Variants in ATCAY observed in about 807,000 individuals in gnomAD.
ATCAY encodes the protein ATCAY kinesin light chain interacting caytaxin.
Under a neutral mutation model 47.7 loss-of-function variants are expected in ATCAY, and 22 were observed. The observed-to-expected ratio is 0.46, with a 90% CI of 0.33 to 0.66. ATCAY has a LOEUF of 0.66. ATCAY is among the 30% of genes least tolerant of loss of function. The pLI is 0.02. For synonymous variants in ATCAY, 216 were observed against 207.6 expected, an observed-to-expected ratio of 1.04 and a Z score of -0.35; for missense variants, 452 against 515.0, an observed-to-expected ratio of 0.88 and a Z score of 1.18.
intron 10 of ATCAY, among the ~76,000 whole-genome samples, chr19:3,918,538 G>A (rs1482253822): frequency 6.9e-6 from 1 of 145,844 alleles, no homozygotes; most frequent in African/African-American, 2.5e-5. Flanking sequence ...CTGGGCAACA[G>A]AGCAAGATCC....
chr19:3,885,518 C>T (rs1303473670), intron 1 of ATCAY, among the ~76,000 whole-genome samples: 1 of 150,678 alleles, frequency 6.6e-6, no homozygotes, highest in Non-Finnish European at 1.5e-5. Context: ...GGCACCATTG[C>T]ACTACAGCCT....
chr19:3,924,490 G>A (rs2039049734), intron 12 of ATCAY, 93 bp from the exon 13 acceptor site: 4 of 1,483,876 alleles, frequency 2.7e-6, no homozygotes, highest in Non-Finnish European at 3.8e-6. Context: ...CACGCTGGGT[G>A]GGATCATTGT....
intron 2 of ATCAY, 111 bp from the exon 3 acceptor site, chr19:3,902,376 C>T: frequency 1.0e-6 from 1 of 981,424 alleles, no homozygotes; most frequent in South Asian, 1.4e-5. Flanking sequence ...ATGTGTTTTG[C>T]TTTTGTTCTT....
Position 3,914,861 on chromosome 19 carries a change from AC to A in ATCAY, c.965+1008del, listed in dbSNP as rs571153252. On this transcript the variant is annotated intron_variant, in intron 9 of 12. Coordinates refer to ENST00000450849, the MANE Select transcript of ATCAY (RefSeq NM_033064.5). ...AAGATTTGGGTGGAGATACAGTCAA[AC>A]CCTGTCACCCCCAACACCCCCCCAC... Among the ~76,000 whole-genome samples, 11 of 151,660 alleles carry A rather than the reference AC, an allele frequency of 7.3e-5. No homozygotes were observed. The South Asian group carries it at 2.3e-3, about 32-fold the overall frequency.
At chr19:3,882,982 G>T (rs989546324) in intron 1 of ATCAY, among the ~76,000 whole-genome samples, 11 of 151,580 alleles carry the variant, frequency 7.3e-5, no homozygotes, top group African/African-American at 2.7e-4. Flanking sequence ...ATGGGGTCTT[G>T]CTGTGTTGCC....
At chr19:3,905,775 G>C (rs148910123) in intron 4 of ATCAY, 120 bp downstream of exon 4, 1 of 859,804 alleles carries the variant, frequency 1.2e-6, no homozygotes, top group Non-Finnish European at 1.8e-6. Context: ...AAGCAGTCTA[G>C]CCTTAAACCC....
intron 9 of ATCAY, among the ~76,000 whole-genome samples, 167 bp downstream of exon 9, chr19:3,914,023 TC>T (rs2038944990): frequency 6.6e-6 from 1 of 150,958 alleles, no homozygotes; most frequent in African/African-American, 2.4e-5. Context: ...GATCACGAGG[TC>T]AGGGGATCGA....
chr19:3,909,259 A>G (rs1257816012), intron 6 of ATCAY, among the ~76,000 whole-genome samples: 2 of 149,626 alleles, frequency 1.3e-5, no homozygotes, highest in African/African-American at 4.9e-5. Context: ...CGACTCAATA[A>G]AAGAGTAACT....
chr19:3,917,910 T>C, intron 10 of ATCAY, 133 bp downstream of exon 10: 1 of 922,256 alleles, frequency 1.1e-6, no homozygotes, highest in African/African-American at 1.7e-5. Context: ...GACGCTGCCC[T>C]TCTGGCAAGG....
At chr19:3,891,343 G>A (rs1038267960) in intron 2 of ATCAY, among the ~76,000 whole-genome samples, 7 of 151,958 alleles carry the variant, frequency 4.6e-5, no homozygotes, top group Non-Finnish European at 8.8e-5. Flanking sequence ...TGAGCCACGC[G>A]CCCGGCCTCC....
At chr19:3,910,612 G>T (rs975471032) in intron 7 of ATCAY, among the ~76,000 whole-genome samples, 191 bp from the exon 8 acceptor site, 1 of 152,096 alleles carries the variant, frequency 6.6e-6, no homozygotes, top group South Asian at 2.1e-4. Flanking sequence ...GGACTCAAAG[G>T]GTGTGTCTTT....
At position 3,905,460 on chromosome 19, in the gene ATCAY, G is replaced by A. The variant is rs781157054; in HGVS notation, c.163G>A (p.Gly55Arg). ...TCCTCCCAACACGCTAAATTTCAAC[G>A]GAGCGCATCGTAAGAGGAAGACGCT... is the stretch of plus-strand genomic sequence containing the variant. ...SSPPNTLNFN[G>R]AHRKRKTLVA... Residue 55 changes from glycine to arginine, a missense_variant, in exon 4 of 13, where the codon GGA becomes AGA. By Grantham distance (125) the Gly-to-Arg change is moderately radical (BLOSUM62 -2). Transcript: ENST00000450849. The A allele has an allele frequency of 6.2e-6, 10 of 1,612,140 alleles. No homozygotes were observed. The East Asian group carries it at 6.7e-5, about 11-fold the overall frequency.
At chr19:3,896,456 G>A (rs759194088) in intron 2 of ATCAY, among the ~76,000 whole-genome samples, 3 of 151,624 alleles carry the variant, frequency 2.0e-5, no homozygotes, top group East Asian at 2.0e-4. Context: ...TAGTAGAGAC[G>A]GGGTTTCACC....
At position 3,917,610 on chromosome 19, in the gene ATCAY, A is replaced by AAG. The variant is rs368009492; in HGVS notation, c.966-132_966-131insAG. 1,981 of 500,202 alleles carry AAG rather than the reference A, an allele frequency of 4.0e-3. 46 individuals are homozygous for AAG. The highest frequency in any genetic ancestry group is 9.1e-3 in the African/African-American group (380 of 41,922). 31.0% of individuals were successfully genotyped at this position (500,202 alleles called of 1,614,324 possible). A position where few individuals can be genotyped will look rare whatever the true frequency, so the allele number is the denominator to read the frequency against. ...AAAAAAAAAAAAAAAAAAAAAAAAAAGGAAGAAGAAGAAGAAGAAAAGAAA... is the reference window on the plus strand; with the variant it reads ...AAAAAAAAAAAAAAAAAAAAAAAAAAAGGGAAGAAGAAGAAGAAGAAAAGAAA... On this transcript the variant is annotated intron_variant, in intron 9 of 12. Transcript: ENST00000450849.
At chr19:3,888,133 A>T (rs1372983029) in intron 2 of ATCAY, among the ~76,000 whole-genome samples, 3 of 150,716 alleles carry the variant, frequency 2.0e-5, no homozygotes, top group Non-Finnish European at 3.0e-5. Context: ...AAAATACTAC[A>T]TGGAAAGGAA....
At chr19:3,918,785 C>T in intron 10 of ATCAY, 21 bp from the exon 11 acceptor site, 1 of 1,613,844 alleles carries the variant, frequency 6.2e-7, no homozygotes, top group Non-Finnish European at 8.5e-7. Context: ...ACCCTTGTCA[C>T]CTCGTTCTCT....
At chr19:3,885,910 G>C in intron 2 of ATCAY, 66 bp downstream of exon 2, 1 of 1,504,618 alleles carries the variant, frequency 6.6e-7, no homozygotes, top group Non-Finnish European at 9.0e-7. Flanking sequence ...TGGGACACAG[G>C]AGCGGCCCGG....
intron 2 of ATCAY, among the ~76,000 whole-genome samples, chr19:3,896,535 G>A (rs569914312): frequency 4.0e-5 from 6 of 150,926 alleles, no homozygotes; most frequent in South Asian, 4.2e-4. Context: ...CCAAAGTGCC[G>A]GGATTACAGG....
At chr19:3,892,454 G>A (rs1410683245) in intron 2 of ATCAY, among the ~76,000 whole-genome samples, 1 of 152,042 alleles carries the variant, frequency 6.6e-6, no homozygotes, top group Non-Finnish European at 1.5e-5. Context: ...TCCCACCTCA[G>A]CCTCCCAAAA....
Sources: allele counts gnomAD v4.1 joint callset (sites outside exome capture counted in the v4.1 genomes callset), GRCh38; gene constraint gnomAD v4.1.1; transcripts MANE v1.5; gene names NCBI Gene and HGNC (gene_info 2026-07-23, HGNC 2026-07-21).